FBLN5: variants seen among roughly 807,000 people sequenced by gnomAD.
The protein encoded by FBLN5 is fibulin-5.
Under a neutral mutation model 61.6 loss-of-function variants are expected in FBLN5, and 24 were observed. The ratio of observed to expected loss-of-function variants is 0.39; its 90% CI spans 0.28 to 0.55. The LOEUF is 0.55. Ranked by LOEUF, FBLN5 falls within the 20% of genes least tolerant of loss-of-function variation. The pLI is 0.65. For synonymous variants in FBLN5, 213 were observed against 219.8 expected, an observed-to-expected ratio of 0.97 and a Z score of 0.27; for missense variants, 470 against 594.1, an observed-to-expected ratio of 0.79 and a Z score of 2.17.
intron 4 of FBLN5, among the ~76,000 whole-genome samples, chr14:91,910,728 A>G (rs1890884252): frequency 6.6e-6 from 1 of 152,070 alleles, no homozygotes; most frequent in Admixed American, 6.6e-5. Flanking sequence ...CTGTAACCCC[A>G]TCTCCACAGA....
chr14:91,877,853 T>C, intron 9 of FBLN5, 171 bp from the exon 10 acceptor site: 1 of 682,628 alleles, frequency 1.5e-6, no homozygotes, highest in Non-Finnish European at 2.7e-6. Context: ...CTCCAGCATG[T>C]AGGCGAGCTC....
At chr14:91,927,579 A>G (rs1325895557) in intron 4 of FBLN5, among the ~76,000 whole-genome samples, 2 of 152,246 alleles carry the variant, frequency 1.3e-5, no homozygotes, top group African/African-American at 2.4e-5. Context: ...CACATTTAGA[A>G]TGACTGCACT....
intron 4 of FBLN5, among the ~76,000 whole-genome samples, chr14:91,930,125 G>A (rs966751769): frequency 6.6e-6 from 1 of 152,160 alleles, no homozygotes. Flanking sequence ...AAGTCATCAC[G>A]GAATGATGAG....
chr14:91,906,109 A>C (rs1054009094), intron 4 of FBLN5, among the ~76,000 whole-genome samples: 1 of 151,262 alleles, frequency 6.6e-6, no homozygotes, highest in Non-Finnish European at 1.5e-5. Context: ...CTGGTCTCGA[A>C]CTCCCAACCT....
intron 4 of FBLN5, among the ~76,000 whole-genome samples, chr14:91,915,548 G>C (rs972984438): frequency 6.6e-6 from 1 of 151,706 alleles, no homozygotes; most frequent in African/African-American, 2.4e-5. Context: ...TAGCCCAGGC[G>C]TGGTGGTGGG....
At position 91,947,388 on chromosome 14, in the gene FBLN5, G is replaced by A; in HGVS notation, c.-159C>T. Reference sequence around the variant, plus strand: ...GAGTCGTGGAGAGGACACGGGGAGAGCGCCGGGGTCCTCCCAGCCACTGCA... The same window carrying A: ...GAGTCGTGGAGAGGACACGGGGAGAACGCCGGGGTCCTCCCAGCCACTGCA... On this transcript the variant is annotated 5_prime_UTR_variant, in exon 1 of 11. Transcript: ENST00000342058. This position sits in a 1 kb window ranked among gnomAD's most constrained non-coding sequence, Gnocchi z 4.3. 3 of 795,040 alleles carry A rather than the reference G, an allele frequency of 3.8e-6. No homozygotes were observed. The highest frequency in any genetic ancestry group is 3.0e-4 in the Middle Eastern group (1 of 3,352). The allele number at this position is 795,040 out of a possible 1,614,324, so 49.2% of individuals were successfully genotyped here. A position where few individuals can be genotyped will look rare whatever the true frequency, so the allele number is the denominator to read the frequency against.
chr14:91,928,463 A>G (rs2055866165), intron 4 of FBLN5, among the ~76,000 whole-genome samples: 1 of 152,206 alleles, frequency 6.6e-6, no homozygotes, highest in Non-Finnish European at 1.5e-5. Flanking sequence ...AAATGCAGCT[A>G]TCAAAATATT....
intron 9 of FBLN5, among the ~76,000 whole-genome samples, chr14:91,880,698 C>A (rs1694764262): frequency 6.6e-6 from 1 of 152,054 alleles, no homozygotes; most frequent in African/African-American, 2.4e-5. Flanking sequence ...CAGGCCCGTG[C>A]CACCAGGCCC....
rs1369410389 is a variant in FBLN5 at position 91,937,122 on chromosome 14, G to A, written c.204C>T (p.Cys68=). 2 of 1,614,102 alleles carry A rather than the reference G, an allele frequency of 1.2e-6. No individual in the cohort carries two copies. The highest frequency in any genetic ancestry group is 1.7e-6 in the Non-Finnish European group (2 of 1,180,010). ...GATACACAGGGTTTGTCCGGGGAAT[G>A]CATAAATACCCGCCATTTTGGTTAA... The part of the protein sequence containing the change: ...MCVNQNGGYL[C]IPRTNPVYRG... Residue 68 remains cysteine (C), a synonymous_variant, in exon 4 of 11, where the codon TGC becomes TGT. Coordinates refer to ENST00000342058, the MANE Select transcript of FBLN5 (RefSeq NM_006329.4).
At chr14:91,896,857 C>T (rs991885070) in intron 4 of FBLN5, among the ~76,000 whole-genome samples, 3 of 152,206 alleles carry the variant, frequency 2.0e-5, no homozygotes, top group South Asian at 2.1e-4. Flanking sequence ...TCTTTGAATA[C>T]GTACGGTGGG....
At chr14:91,935,683 G>A (rs1421162450) in intron 4 of FBLN5, among the ~76,000 whole-genome samples, 1 of 152,194 alleles carries the variant, frequency 6.6e-6, no homozygotes, top group East Asian at 1.9e-4. Context: ...ACAAAATGAA[G>A]AAGTTGAAGT....
Position 91,886,568 on chromosome 14 carries a change from A to G in FBLN5, c.739+625T>C, listed in dbSNP as rs17127696. Among the ~76,000 whole-genome samples, 1,312 of 152,356 alleles carry G rather than the reference A, an allele frequency of 8.6e-3. 21 individuals carry two copies. Among genetic ancestry groups the G allele is most frequent in the African/African-American group, 0.03 (1,236 of 41,576 alleles). ...CTTGGAAGGAATTTATAAAAGGTCA[A>G]CTAACCCATCATATCTATGTTCTCA... is the stretch of plus-strand genomic sequence containing the variant. On this transcript the variant is annotated intron_variant, in intron 7 of 10. Coordinates refer to ENST00000342058, the MANE Select transcript of FBLN5 (RefSeq NM_006329.4).
intron 3 of FBLN5, chr14:91,939,983 A>G (rs1160043068): frequency 2.2e-6 from 1 of 453,806 alleles, no homozygotes; most frequent in African/African-American, 2.0e-5. Context: ...TCAAAGTGAG[A>G]AACGCTTGAC....
At chr14:91,890,352 G>C (rs1889933910) in intron 6 of FBLN5, among the ~76,000 whole-genome samples, 1 of 152,202 alleles carries the variant, frequency 6.6e-6, no homozygotes, top group African/African-American at 2.4e-5. Context: ...ACAAGGAAAT[G>C]GGCCCTGCAA....
chr14:91,938,054 C>T (rs548297425), intron 3 of FBLN5, among the ~76,000 whole-genome samples: 7 of 152,308 alleles, frequency 4.6e-5, no homozygotes, highest in African/African-American at 7.2e-5. Flanking sequence ...CAAGGATCCT[C>T]GTGTGCACAT....
At chr14:91,923,678 A>G (rs180710137) in intron 4 of FBLN5, among the ~76,000 whole-genome samples, 214 of 152,316 alleles carry the variant, frequency 1.4e-3, no homozygotes, top group African/African-American at 4.7e-3. Flanking sequence ...CATCAGTCAC[A>G]TCTGACACTG....
intron 7 of FBLN5, among the ~76,000 whole-genome samples, chr14:91,884,130 T>C (rs889867420): frequency 6.6e-6 from 1 of 152,198 alleles, no homozygotes; most frequent in Non-Finnish European, 1.5e-5. Context: ...CAAAAGAAGC[T>C]GCCTCTCCAC....
At chr14:91,921,175 T>A (rs2055727843) in intron 4 of FBLN5, among the ~76,000 whole-genome samples, 1 of 152,178 alleles carries the variant, frequency 6.6e-6, no homozygotes, top group African/African-American at 2.4e-5. Flanking sequence ...AAATTAATAA[T>A]GACCCTTAGA....
intron 4 of FBLN5, among the ~76,000 whole-genome samples, chr14:91,926,014 A>G (rs754997164): frequency 6.6e-6 from 1 of 152,164 alleles, no homozygotes; most frequent in African/African-American, 2.4e-5. Flanking sequence ...GCCTGGGTTC[A>G]TCGGTGCCCG....
Sources: gnomAD v4.1 joint callset for allele counts (sites outside exome capture counted in the v4.1 genomes callset) on GRCh38, gnomAD v4.1.1 for gene constraint, Gnocchi (gnomAD v3.1) non-coding constraint, MANE v1.5 for transcripts, NCBI Gene and HGNC (gene_info 2026-07-23, HGNC 2026-07-21) for gene names.